AATF: variants seen among roughly 807,000 people sequenced by gnomAD.
AATF encodes apoptosis antagonizing transcription factor, also known as protein AATF.
Under a neutral mutation model 63.7 loss-of-function variants are expected in AATF, and 48 were observed. That is an observed-to-expected ratio of 0.75 (90% CI 0.60 to 0.96). The LOEUF is 0.96. AATF is among the 40% of genes least tolerant of loss of function. AATF has a pLI of 0.00. For missense variants in AATF, 639 were observed against 685.7 expected, an observed-to-expected ratio of 0.93 and a Z score of 0.76; for synonymous variants, 258 against 247.7, an observed-to-expected ratio of 1.04 and a Z score of -0.39.
At chr17:37,034,400 A>T (rs1210812314) in intron 11 of AATF, among the ~76,000 whole-genome samples, 1 of 152,178 alleles carries the variant, frequency 6.6e-6, no homozygotes, top group Admixed American at 6.5e-5. Context: ...AGTGGAAGTA[A>T]CCTAGTACCA....
chr17:36,968,148 A>G (rs536049879), intron 4 of AATF, among the ~76,000 whole-genome samples: 3 of 144,378 alleles, frequency 2.1e-5, no homozygotes, highest in Admixed American at 6.8e-5. Context: ...TTTCTCTTCA[A>G]TTTTTCATCC....
chr17:36,983,448 A>G (rs1396660239), intron 4 of AATF, among the ~76,000 whole-genome samples: 1 of 152,074 alleles, frequency 6.6e-6, no homozygotes, highest in South Asian at 2.1e-4. Context: ...CACGGGTCCA[A>G]GTGATTCTCC....
intron 4 of AATF, among the ~76,000 whole-genome samples, chr17:36,985,389 G>T (rs973492490): frequency 2.0e-5 from 3 of 150,774 alleles, no homozygotes; most frequent in Non-Finnish European, 4.4e-5. Flanking sequence ...CCACCTCAGG[G>T]CCCCTCCACC....
intron 2 of AATF, among the ~76,000 whole-genome samples, chr17:36,951,843 G>T (rs888221694): frequency 2.0e-5 from 3 of 152,136 alleles, no homozygotes; most frequent in Non-Finnish European, 4.4e-5. Flanking sequence ...TTAAAGAAGC[G>T]CTGAAGACCT....
intron 11 of AATF, chr17:37,055,486 G>C (rs2071790393): frequency 6.6e-6 from 1 of 152,112 alleles, no homozygotes; most frequent in South Asian, 2.1e-4. Context: ...GGGGTTTTTT[G>C]GTTTTGCTTT....
In AATF at chr17:36,950,372, G is replaced by A. The variant is rs111774534; in HGVS notation, c.250G>A (p.Asp84Asn). Residue 84 changes from aspartate (D) to asparagine (N), a missense_variant, in exon 2 of 12, where the codon GAC (aspartate) becomes AAC (asparagine). By Grantham distance (23) the Asp-to-Asn change is conservative. Coordinates refer to ENST00000619387, the MANE Select transcript of AATF (RefSeq NM_012138.4). ...KTTSRKAWNE[D>N]HWEQTLPGSS... ...CACCTCTAGAAAAGCATGGAATGAA[G>A]ACCATTGGGAGCAGACTCTGCCAGG... 2.5e-4 allele frequency: 404 copies of A among 1,614,190 alleles called. No individual in the cohort carries two copies. In the African/African-American group the frequency reaches 4.2e-3, roughly 17 times the overall value.
chr17:36,949,022 A>G lies in AATF; in HGVS notation c.-104A>G. ...CGCGCGGTCTCTGGCGGAGTCGGGG[A>G]ATCGGATCAAGGCGAGAGGATCCGG... On this transcript the variant is annotated 5_prime_UTR_variant, in exon 1 of 12. Coordinates refer to ENST00000619387, the MANE Select transcript of AATF (RefSeq NM_012138.4). The G allele has an allele frequency of 9.2e-7, 1 of 1,092,890 alleles. No individual in the cohort carries two copies. Among genetic ancestry groups the G allele is most frequent in the Non-Finnish European group, 1.3e-6 (1 of 759,806 alleles). 67.7% of individuals were successfully genotyped at this position (1,092,890 alleles called of 1,614,324 possible).
chr17:37,029,990 T>A (rs926229495), intron 10 of AATF, among the ~76,000 whole-genome samples: 2 of 152,140 alleles, frequency 1.3e-5, no homozygotes, highest in Admixed American at 1.3e-4. Flanking sequence ...CATGAGCCAC[T>A]GCGCCAGGCC....
chr17:37,026,165 A>G (rs1567988546), intron 10 of AATF, among the ~76,000 whole-genome samples: 1 of 152,256 alleles, frequency 6.6e-6, no homozygotes, highest in Non-Finnish European at 1.5e-5. Context: ...GTACTCATCA[A>G]GTGTCAAAGT....
chr17:37,038,054 G>A (rs368209159), intron 11 of AATF, among the ~76,000 whole-genome samples: 3 of 152,230 alleles, frequency 2.0e-5, no homozygotes, highest in Admixed American at 6.5e-5. Flanking sequence ...CTGCAGAACC[G>A]TGAGCCAATT....
intron 4 of AATF, among the ~76,000 whole-genome samples, chr17:36,966,181 G>T (rs1274269417): frequency 6.6e-6 from 1 of 151,864 alleles, no homozygotes; most frequent in East Asian, 1.9e-4. Context: ...CCATGTTTAT[G>T]TTCCGAAAGA....
chr17:36,991,587 C>CTT (rs34166182), intron 8 of AATF, among the ~76,000 whole-genome samples: 1,586 of 138,588 alleles, frequency 0.011, 42 homozygotes, highest in African/African-American at 0.04. Context: ...ATAAGTTATA[C>CTT]TTTTTTTTTT....
rs545749392 is a variant in AATF, at chr17:36,975,084, T to C, written c.833-11533T>C. Among the ~76,000 whole-genome samples, 4 of 152,310 alleles carry C rather than the reference T, an allele frequency of 2.6e-5. No homozygotes were observed. In the South Asian group the frequency reaches 8.3e-4, roughly 32 times the overall value. On this transcript the variant is annotated intron_variant, in intron 4 of 11. Transcript: ENST00000619387. ...ACTTAGTGAAATATGTAACGTAGAT[T>C]GTGAAAGTATTATTTTTCCCACTCG...
At chr17:37,031,576 T>TA (rs1249947179) in intron 10 of AATF, 38 bp from the exon 11 acceptor site, 1 of 1,522,196 alleles carries the variant, frequency 6.6e-7, no homozygotes, top group Admixed American at 1.7e-5. Context: ...GGTTAATAGT[T>TA]ACTAATGTTG....
chr17:37,037,014 T>G (rs2071598234), intron 11 of AATF, among the ~76,000 whole-genome samples: 1 of 151,050 alleles, frequency 6.6e-6, no homozygotes, highest in Admixed American at 6.6e-5. Flanking sequence ...CTTTTTGTTT[T>G]TTTTTTTTTT....
intron 11 of AATF, among the ~76,000 whole-genome samples, chr17:37,039,465 G>T (rs1036233184): frequency 6.6e-6 from 1 of 152,150 alleles, no homozygotes; most frequent in Admixed American, 6.5e-5. Flanking sequence ...TTCCTTATCA[G>T]ATTACAGAAT....
Position 36,988,532 on chromosome 17 carries a change from A to C in AATF, c.961A>C (p.Ser321Arg). 1 of 1,614,030 alleles carries C rather than the reference A, an allele frequency of 6.2e-7. No individual in the cohort carries two copies. The highest frequency in any genetic ancestry group is 8.5e-7 in the Non-Finnish European group (1 of 1,179,986). ...CTGCTTTTCTAGTGAGGAGATTTCT[A>C]GTGAAGATGATGAGCTGGTAGAAGA... ...KPNAGSEEIS[S>R]EDDELVEEKK... Residue 321 changes from serine (S) to arginine (R), a missense_variant, in exon 6 of 12, where the codon AGT becomes CGT. Physicochemically the swap from Ser to Arg is moderately radical, Grantham distance 110. Transcript: ENST00000619387.
At chr17:36,986,493 GTA>G (rs1406661920) in intron 4 of AATF, 122 bp from the exon 5 acceptor site, 3 of 711,736 alleles carry the variant, frequency 4.2e-6, no homozygotes, top group Non-Finnish European at 2.5e-6. Flanking sequence ...GTTCCTGTGT[GTA>G]TCCTGTGCCT....
At chr17:37,036,204 CTCT>C (rs1189072188) in intron 11 of AATF, among the ~76,000 whole-genome samples, 3 of 152,216 alleles carry the variant, frequency 2.0e-5, no homozygotes, top group African/African-American at 7.2e-5. Flanking sequence ...AGTAGAAACC[CTCT>C]TCTTTTCCTT....
Sources: allele counts gnomAD v4.1 joint callset (sites outside exome capture counted in the v4.1 genomes callset), GRCh38; gene constraint gnomAD v4.1.1; transcripts MANE v1.5; gene names NCBI Gene and HGNC (gene_info 2026-07-23, HGNC 2026-07-21).